Variants in ELP3 observed in about 807,000 individuals in gnomAD.
The protein encoded by ELP3 is elongator complex protein 3.
Under a neutral mutation model 74.9 loss-of-function variants are expected in ELP3, and 56 were observed. The observed-to-expected ratio is 0.75, with a 90% CI of 0.60 to 0.93. ELP3 has a LOEUF of 0.93. ELP3 is among the 40% of genes least tolerant of loss of function. ELP3 has a pLI of 0.00. For synonymous variants in ELP3, 222 were observed against 239.8 expected (o/e 0.93, Z 0.68); for missense variants, 573 against 686.5 (o/e 0.83, Z 1.85).
At chr8:28,161,605 CAA>C (rs1266472507) in intron 13 of ELP3, among the ~76,000 whole-genome samples, 8 of 108,670 alleles carry the variant, frequency 7.4e-5, no homozygotes, top group Admixed American at 2.1e-4. Context: ...GATTCCGTCT[CAA>C]GAGAAAAAAA....
chr8:28,101,250 TA>T (rs1811470351), intron 3 of ELP3, among the ~76,000 whole-genome samples: 1 of 150,820 alleles, frequency 6.6e-6, no homozygotes, highest in African/African-American at 2.4e-5. Flanking sequence ...CCATCTCTAC[TA>T]AAAATACAAA....
chr8:28,109,532 T>C (rs1039780693), intron 5 of ELP3, among the ~76,000 whole-genome samples: 3 of 152,214 alleles, frequency 2.0e-5, no homozygotes, highest in African/African-American at 7.2e-5. Flanking sequence ...GCCTATCCCT[T>C]ATGTGAAATG....
At chr8:28,108,001 G>A (rs1328085355) in intron 5 of ELP3, 25 bp downstream of exon 5, 46 of 1,592,914 alleles carry the variant, frequency 2.9e-5, no homozygotes, top group Non-Finnish European at 3.9e-5. Context: ...AGGCTGTCCT[G>A]ATGAAATGTT....
intron 6 of ELP3, 127 bp from the exon 7 acceptor site, chr8:28,112,892 G>A (rs1811975339): frequency 2.6e-6 from 2 of 777,252 alleles, no homozygotes; most frequent in Non-Finnish European, 3.8e-6. Flanking sequence ...TTAGCTAAGT[G>A]TGTTTCATTA....
rs569618755 is a variant in ELP3, at chr8:28,186,261, G to A, written c.1568-3388G>A. Among the ~76,000 whole-genome samples the A allele has an allele frequency of 6.3e-4, 96 of 152,272 alleles. 1 individual carries two copies. In the South Asian group the frequency reaches 0.016, roughly 26 times the overall value. On this transcript the variant is annotated intron_variant, in intron 14 of 14. Transcript: ENST00000256398. ...AAGAGTTCTGGAGATGGATGGTGGT[G>A]ATAGTTGTACCACAGTGTGAATGTA...
At chr8:28,175,895 A>C (rs1585749813) in intron 14 of ELP3, among the ~76,000 whole-genome samples, 2 of 144,132 alleles carry the variant, frequency 1.4e-5, no homozygotes, top group Non-Finnish European at 3.0e-5. Flanking sequence ...GCTCACTGCA[A>C]CCTCCGCCTC....
chr8:28,103,414 T>C (rs1811569233), intron 3 of ELP3, among the ~76,000 whole-genome samples: 1 of 152,210 alleles, frequency 6.6e-6, no homozygotes, highest in South Asian at 2.1e-4. Flanking sequence ...TACTGAATGA[T>C]AATCCATTGT....
intron 10 of ELP3, among the ~76,000 whole-genome samples, chr8:28,152,720 C>A (rs554167438): frequency 1.3e-5 from 2 of 152,086 alleles, no homozygotes; most frequent in African/African-American, 4.8e-5. Flanking sequence ...GCAGGAGAAT[C>A]GCTTGAACCT....
At chr8:28,151,458 T>G (rs1813639644) in intron 10 of ELP3, among the ~76,000 whole-genome samples, 2 of 152,250 alleles carry the variant, frequency 1.3e-5, no homozygotes, top group African/African-American at 4.8e-5. Context: ...GCTCTGTCTC[T>G]TCAAGTTGTA....
intron 14 of ELP3, 47 bp downstream of exon 14, chr8:28,162,125 T>C (rs750788375): frequency 6.3e-7 from 1 of 1,591,800 alleles, no homozygotes; most frequent in Non-Finnish European, 8.6e-7. Context: ...ATTTTGAACT[T>C]GGCACCACAG....
At chr8:28,093,256 G>A (rs1244226206) in intron 1 of ELP3, 23 bp downstream of exon 1, 3 of 1,612,876 alleles carry the variant, frequency 1.9e-6, no homozygotes, top group South Asian at 1.1e-5. Context: ...AAGGAGATGG[G>A]GGAAAGGGGT....
chr8:28,151,926 G>A (rs967570799), intron 10 of ELP3, among the ~76,000 whole-genome samples: 1 of 152,204 alleles, frequency 6.6e-6, no homozygotes, highest in Non-Finnish European at 1.5e-5. Flanking sequence ...CAATATTGTA[G>A]GAGTTGGCCC....
chr8:28,146,069 C>T (rs929088804), intron 10 of ELP3, among the ~76,000 whole-genome samples: 1 of 152,208 alleles, frequency 6.6e-6, no homozygotes, highest in Admixed American at 6.5e-5. Context: ...TTTCCCCACC[C>T]TGCCCTACCC....
intron 14 of ELP3, among the ~76,000 whole-genome samples, chr8:28,180,241 C>G (rs933772601): frequency 6.6e-5 from 10 of 152,146 alleles, no homozygotes; most frequent in Non-Finnish European, 4.4e-5. Context: ...TCCCTCACCT[C>G]TCTTCCTGTG....
rs573055402 is a variant in ELP3 at position 28,180,924 on chromosome 8, C to T, written c.1568-8725C>T. On this transcript the variant is annotated intron_variant, in intron 14 of 14. Transcript: ENST00000256398. Reference sequence around the variant, plus strand: ...TCCTCAAGGTACGGAAGCAACTCTGCCTCTCAGTTGCTTCCACACCTCCTA... The same window carrying T: ...TCCTCAAGGTACGGAAGCAACTCTGTCTCTCAGTTGCTTCCACACCTCCTA... 1.0e-3 allele frequency among the ~76,000 whole-genome samples: 156 copies of T among 152,226 alleles called. 2 individuals carry two copies. Among genetic ancestry groups the T allele is most frequent in the Admixed American group, 9.3e-3 (142 of 15,288 alleles).
At chr8:28,091,063 C>T (rs957965635), upstream of ELP3, among the ~76,000 whole-genome samples, 7 of 151,936 alleles carry the variant, frequency 4.6e-5, no homozygotes, top group African/African-American at 1.5e-4. Context: ...CCCACCACCA[C>T]GCCCGGCTAA....
At chr8:28,093,108 C>T, upstream of ELP3, 2 of 1,553,160 alleles carry the variant, frequency 1.3e-6, no homozygotes, top group Non-Finnish European at 1.8e-6. Context: ...ATACATTGAC[C>T]GACATTTTAC....
intron 10 of ELP3, among the ~76,000 whole-genome samples, chr8:28,152,822 T>C (rs1025900710): frequency 6.6e-6 from 1 of 152,130 alleles, no homozygotes; most frequent in Non-Finnish European, 1.5e-5. Context: ...AAAAAATAAA[T>C]GTGCTCAGCA....
At chr8:28,113,370 A>C (rs1811996979) in intron 7 of ELP3, among the ~76,000 whole-genome samples, 197 bp downstream of exon 7, 1 of 75,702 alleles carries the variant, frequency 1.3e-5, no homozygotes, top group South Asian at 4.2e-4. Flanking sequence ...TAATCCTTTC[A>C]CTGAAATAAT....
Sources: gnomAD v4.1 joint callset for allele counts (sites outside exome capture counted in the v4.1 genomes callset) on GRCh38, gnomAD v4.1.1 for gene constraint, MANE v1.5 for transcripts, NCBI Gene and HGNC (gene_info 2026-07-23, HGNC 2026-07-21) for gene names.